Variants in DHRS12 observed in about 807,000 individuals in gnomAD.
DHRS12 encodes dehydrogenase/reductase 12, also known as dehydrogenase/reductase SDR family member 12.
In DHRS12, 29 loss-of-function variants were observed where a neutral mutation model predicts 32.1. The ratio of observed to expected loss-of-function variants is 0.90; its 90% CI spans 0.67 to 1.23. The LOEUF is 1.23. Among genes scored for constraint, DHRS12 ranks in the 50% most tolerant of loss-of-function variants. The probability of loss-of-function intolerance (pLI) is 0.00; values close to 1 mark genes in which losing one functional copy is unlikely to be tolerated. For missense variants in DHRS12, 330 were observed against 337.2 expected, an observed-to-expected ratio of 0.98 and a Z score of 0.17; for synonymous variants, 150 against 135.9, an observed-to-expected ratio of 1.10 and a Z score of -0.72.
At chr13:51,794,156 G>A (rs79774049) in intron 2 of DHRS12, among the ~76,000 whole-genome samples, 291 of 152,310 alleles carry the variant, frequency 1.9e-3, no homozygotes, top group African/African-American at 5.5e-3. Flanking sequence ...CCCAATCTGC[G>A]GAGCCACACA....
intron 4 of DHRS12, 145 bp from the exon 5 acceptor site, chr13:51,777,266 A>G: frequency 1.3e-6 from 1 of 763,546 alleles, no homozygotes; most frequent in South Asian, 1.6e-5. Context: ...CCTCCTTCCG[A>G]GGATCCTTCA....
intron 2 of DHRS12, among the ~76,000 whole-genome samples, chr13:51,795,608 G>C (rs1955480425): frequency 6.6e-6 from 1 of 152,162 alleles, no homozygotes; most frequent in Admixed American, 6.5e-5. Flanking sequence ...GATTGGTGAA[G>C]TAACCCAGAG....
the DHRS12 span, chr13:51,759,901 AT>A: frequency 2.0e-6 from 2 of 1,013,862 alleles, no homozygotes; most frequent in Non-Finnish European, 3.0e-6. Flanking sequence ...GAATTTGCAG[AT>A]TACCCATGTG....
downstream of DHRS12, chr13:51,767,863 G>A (rs570720527): frequency 6.2e-5 from 25 of 404,260 alleles, no homozygotes; most frequent in East Asian, 2.4e-3. Flanking sequence ...TTCACAGGGG[G>A]GCATTCCTGC....
At chr13:51,760,863 G>T in the DHRS12 span, 1 of 152,314 alleles carries the variant, frequency 6.6e-6, no homozygotes, top group Non-Finnish European at 1.5e-5. Flanking sequence ...ACACTTGCTT[G>T]CCCACTGCTC....
intron 4 of DHRS12, among the ~76,000 whole-genome samples, chr13:51,783,278 C>A (rs939962718): frequency 2.0e-5 from 3 of 152,176 alleles, no homozygotes; most frequent in African/African-American, 7.2e-5. Context: ...ACCAGCCTCC[C>A]CTGTGGCCTG....
At position 51,786,604 on chromosome 13, in the gene DHRS12, G is replaced by A. The variant is rs76108751; in HGVS notation, c.301+3407C>T. Among the ~76,000 whole-genome samples, 861 of 152,130 alleles carry A rather than the reference G, an allele frequency of 5.7e-3. 3 individuals are homozygous for A. The highest frequency in any genetic ancestry group is 0.02 in the African/African-American group (817 of 41,506). On this transcript the variant is annotated intron_variant, in intron 4 of 8. Transcript: ENST00000444610. ...ATGAAAATCTCTCCAGGCCCCACCC[G>A]CCCCCGCAAAAGGCTAAGAATTATT... is the stretch of plus-strand genomic sequence containing the variant.
rs1026352139 is a variant in DHRS12 at position 51,791,251 on chromosome 13, A to G, written c.133T>C (p.Phe45Leu). The G allele has an allele frequency of 1.3e-6, 2 of 1,505,810 alleles. No homozygotes were observed. The highest frequency in any genetic ancestry group is 1.4e-5 in the African/African-American group (1 of 70,432). 93.3% of individuals were successfully genotyped at this position (1,505,810 alleles called of 1,614,324 possible). Residue 45 changes from phenylalanine (F) to leucine (L), a missense_variant, in exon 3 of 9, where the codon TTT becomes CTT. By Grantham distance (22) the Phe-to-Leu change is conservative. Coordinates refer to ENST00000444610, the MANE Select transcript of DHRS12 (RefSeq NM_001377533.1). ...LPLKSPSENIFLHIVDLSDPK... is the reference protein window; with the variant it reads ...LPLKSPSENILLHIVDLSDPK... ...TCAGACAAGTCCACAATGTGCAGAAAAATGTTCTAAATTAGAAAGCAAAAA... is the reference window on the plus strand; with the variant it reads ...TCAGACAAGTCCACAATGTGCAGAAGAATGTTCTAAATTAGAAAGCAAAAA...
chr13:51,792,568 T>C (rs1188174332), intron 2 of DHRS12, among the ~76,000 whole-genome samples: 1 of 152,044 alleles, frequency 6.6e-6, no homozygotes, highest in Non-Finnish European at 1.5e-5. Context: ...CTCAGCTAAT[T>C]TTTATATTTT....
chr13:51,756,968 C>A, the DHRS12 span, among the ~76,000 whole-genome samples: 1 of 152,170 alleles, frequency 6.6e-6, no homozygotes, highest in Non-Finnish European at 1.5e-5. Flanking sequence ...AGGTTACTTA[C>A]CCCTTGGTGT....
At chr13:51,756,400 G>T in the DHRS12 span, 1 of 1,614,130 alleles carries the variant, frequency 6.2e-7, no homozygotes, top group South Asian at 1.1e-5. Context: ...CCATCCCCCT[G>T]ATGGGCTTCG....
At chr13:51,758,252 T>A in the DHRS12 span, 55 of 1,603,360 alleles carry the variant, frequency 3.4e-5, 1 homozygote, top group South Asian at 5.4e-4. Context: ...TGCATTTCGA[T>A]GCAACCAGAG....
At chr13:51,789,531 C>A (rs1263210357) in intron 4 of DHRS12, 1 of 985,228 alleles carries the variant, frequency 1.0e-6, no homozygotes, top group East Asian at 1.1e-4. Flanking sequence ...CTGGGAACCC[C>A]ACTTGGAGAG....
At chr13:51,799,886 T>C (rs899322916) in intron 1 of DHRS12, among the ~76,000 whole-genome samples, 2 of 152,298 alleles carry the variant, frequency 1.3e-5, no homozygotes, top group Non-Finnish European at 1.5e-5. Context: ...TTTGAAAATA[T>C]TGGAGATTCC....
chr13:51,784,005 G>A (rs970247813), intron 4 of DHRS12, among the ~76,000 whole-genome samples: 1 of 152,178 alleles, frequency 6.6e-6, no homozygotes, highest in African/African-American at 2.4e-5. Context: ...TATCTTACAA[G>A]TCTTTTTTAA....
chr13:51,757,757 A>G, the DHRS12 span, among the ~76,000 whole-genome samples: 1 of 152,120 alleles, frequency 6.6e-6, no homozygotes, highest in African/African-American at 2.4e-5. Flanking sequence ...AAAAAGGAAA[A>G]ATGAATGGAG....
At chr13:51,769,892 G>A (rs182872352) in intron 7 of DHRS12, among the ~76,000 whole-genome samples, 7 of 152,262 alleles carry the variant, frequency 4.6e-5, no homozygotes, top group African/African-American at 1.2e-4. Flanking sequence ...CCACAGCGTC[G>A]GGCACTCTAC....
At chr13:51,756,553 C>T in the DHRS12 span, 138 of 1,484,918 alleles carry the variant, frequency 9.3e-5, 2 homozygotes, top group South Asian at 1.8e-3. Flanking sequence ...ACTCAGGTTG[C>T]TCTAGTTTCT....
intron 4 of DHRS12, chr13:51,777,334 G>A (rs960099799): frequency 5.5e-5 from 32 of 579,112 alleles, no homozygotes; most frequent in Middle Eastern, 4.6e-4. Context: ...CTCATGTACC[G>A]ACAGGAAAAG....
Sources: allele counts gnomAD v4.1 joint callset (sites outside exome capture counted in the v4.1 genomes callset), GRCh38; gene constraint gnomAD v4.1.1; transcripts MANE v1.5; gene names NCBI Gene and HGNC (gene_info 2026-07-23, HGNC 2026-07-21).